HELQ: variants seen among roughly 807,000 people sequenced by gnomAD.
HELQ encodes the protein helicase, POLQ like, also known as helicase POLQ-like.
A neutral mutation model predicts 111.6 loss-of-function variants in HELQ; 77 were observed. The observed-to-expected ratio is 0.69, with a 90% CI of 0.57 to 0.83. The LOEUF is 0.83. Ranked by LOEUF, HELQ falls within the 40% of genes least tolerant of loss-of-function variation. HELQ has a pLI of 0.00. For missense variants in HELQ, 1,200 were observed against 1,288.5 expected (o/e 0.93, Z 1.05); for synonymous variants, 438 against 454.7 (o/e 0.96, Z 0.47).
intron 14 of HELQ, among the ~76,000 whole-genome samples, chr4:83,425,774 T>A (rs1719817538): frequency 6.6e-6 from 1 of 152,162 alleles, no homozygotes; most frequent in Non-Finnish European, 1.5e-5. Flanking sequence ...CAAAAAAAGG[T>A]CATCACACTA....
rs763618588 is a variant in HELQ, at chr4:83,418,160, G to C, written c.2996C>G (p.Thr999Ser). The part of the protein sequence containing the change: ...WVYRALLVEL[T>S]KKLTYCVKAE... ...CTTTACACAGTAAGTCAGCTTCTTG[G>C]TAAGTTCTACCAAAAGGGCTCTGTA... The change falls in exon 16 of 18, where the codon ACC becomes AGC. Residue 999 changes from threonine to serine, a missense_variant. Coordinates refer to ENST00000295488, the MANE Select transcript of HELQ (RefSeq NM_133636.5). The C allele has an allele frequency of 5.6e-6, 9 of 1,609,052 alleles. No individual in the cohort carries two copies. The East Asian group carries it at 1.6e-4, about 28-fold the overall frequency.
In HELQ at chr4:83,453,972, G is replaced by A. The variant is rs369025926; in HGVS notation, c.298-27C>T. 21 of 1,295,294 alleles carry A rather than the reference G, an allele frequency of 1.6e-5. No homozygotes were observed. In the African/African-American group the frequency reaches 2.2e-4, roughly 14 times the overall value. 80.2% of individuals were successfully genotyped at this position (1,295,294 alleles called of 1,614,324 possible). On this transcript the variant is annotated intron_variant, in intron 1 of 17. Coordinates refer to ENST00000295488, the MANE Select transcript of HELQ (RefSeq NM_133636.5). ...TGCAAAGAGAACAAAAACGCTTATGGTCAATTCCAGTTTCATTAAGAATAA... is the reference window on the plus strand; with the variant it reads ...TGCAAAGAGAACAAAAACGCTTATGATCAATTCCAGTTTCATTAAGAATAA...
At chr4:83,425,757 T>G (rs766960050) in intron 14 of HELQ, among the ~76,000 whole-genome samples, 3 of 152,170 alleles carry the variant, frequency 2.0e-5, no homozygotes, top group Non-Finnish European at 2.9e-5. Context: ...AAACATTTCA[T>G]GCTACCCAAA....
chr4:83,428,380 G>A (rs771124622), intron 12 of HELQ, among the ~76,000 whole-genome samples: 4 of 151,518 alleles, frequency 2.6e-5, no homozygotes, highest in Admixed American at 6.6e-5. Flanking sequence ...GGGCACCATC[G>A]TGAAACCCCA....
At chr4:83,416,940 A>G in intron 16 of HELQ, 75 bp from the exon 17 acceptor site, 1 of 1,365,604 alleles carries the variant, frequency 7.3e-7, no homozygotes, top group Non-Finnish European at 1.0e-6. Context: ...TTTACTGAAA[A>G]GAACAAAAAC....
intron 9 of HELQ, among the ~76,000 whole-genome samples, chr4:83,435,077 T>C (rs1280689589): frequency 6.6e-6 from 1 of 152,194 alleles, no homozygotes; most frequent in East Asian, 1.9e-4. Flanking sequence ...TTAAAACTCA[T>C]TTGTTGGAAA....
chr4:83,439,744 C>T (rs1720670824), intron 8 of HELQ, 119 bp downstream of exon 8: 1 of 694,986 alleles, frequency 1.4e-6, no homozygotes, highest in Middle Eastern at 4.2e-4. Context: ...CTTCAGTATA[C>T]TAAAACAACT....
At chr4:83,409,550 T>C (rs149250506) in intron 17 of HELQ, among the ~76,000 whole-genome samples, 4,675 of 145,934 alleles carry the variant, frequency 0.032, 249 homozygotes, top group African/African-American at 0.11. Context: ...CGATACTCTG[T>C]CTCAAAAAAA....
At chr4:83,417,164 T>C (rs1739405942) in intron 16 of HELQ, among the ~76,000 whole-genome samples, 1 of 151,994 alleles carries the variant, frequency 6.6e-6, no homozygotes, top group Non-Finnish European at 1.5e-5. Context: ...TAAAATGTTC[T>C]AGTCCAGTAT....
At chr4:83,413,979 C>T (rs894118561) in intron 17 of HELQ, among the ~76,000 whole-genome samples, 2 of 152,168 alleles carry the variant, frequency 1.3e-5, no homozygotes, top group African/African-American at 4.8e-5. Context: ...TGCACCCCTC[C>T]AGAATTCCTA....
intron 5 of HELQ, 112 bp from the exon 6 acceptor site, chr4:83,443,726 G>A (rs1720897166): frequency 1.9e-6 from 1 of 535,740 alleles, no homozygotes; most frequent in East Asian, 3.0e-5. Context: ...GAGTGATTTG[G>A]GAAAGGGGTG....
At chr4:83,436,750 C>T in intron 9 of HELQ, 108 bp downstream of exon 9, 1 of 1,173,492 alleles carries the variant, frequency 8.5e-7, no homozygotes. Context: ...GCTAAAAGAA[C>T]ATTTGATAAA....
At chr4:83,431,637 A>G (rs1351393171) in intron 11 of HELQ, 27 bp downstream of exon 11, 3 of 1,234,646 alleles carry the variant, frequency 2.4e-6, no homozygotes, top group Admixed American at 3.9e-5. Flanking sequence ...GATAACAGTA[A>G]TAAGATAAAA....
Position 83,453,709 on chromosome 4 carries a change from A to C in HELQ, c.534T>G (p.Ser178Arg), listed in dbSNP as rs1242086951. The change falls in exon 2 of 18, where the codon AGT becomes AGG. Residue 178 changes from serine (S) to arginine (R), a missense_variant. Physicochemically the swap from Ser to Arg is moderately radical, Grantham distance 110. Transcript: ENST00000295488. ...GTTCAATAGTGACACCTTCATATCC[A>C]CTCTGGTTCTCTGTGTGCTTATCAG... ...LQTDKHTENQ[S>R]GYEGVTIEPG... 1 of 1,613,408 alleles carries C rather than the reference A, an allele frequency of 6.2e-7. No individual in the cohort carries two copies. Among genetic ancestry groups the C allele is most frequent in the Non-Finnish European group, 8.5e-7 (1 of 1,179,734 alleles).
chr4:83,417,754 A>G (rs1739441333), intron 16 of HELQ, among the ~76,000 whole-genome samples: 1 of 152,178 alleles, frequency 6.6e-6, no homozygotes, highest in East Asian at 1.9e-4. Context: ...ACAAGCACTG[A>G]GTCCAAACTG....
At chr4:83,417,035 G>C (rs1333696452) in intron 16 of HELQ, among the ~76,000 whole-genome samples, 170 bp from the exon 17 acceptor site, 1 of 152,050 alleles carries the variant, frequency 6.6e-6, no homozygotes, top group Non-Finnish European at 1.5e-5. Flanking sequence ...AATGCATTTG[G>C]GTGGTTCCAA....
chr4:83,416,966 G>A (rs1374065682), intron 16 of HELQ, 101 bp from the exon 17 acceptor site: 9 of 994,130 alleles, frequency 9.1e-6, no homozygotes, highest in Non-Finnish European at 1.3e-5. Context: ...GTAAGAGACT[G>A]GGATAAAATA....
intron 17 of HELQ, among the ~76,000 whole-genome samples, chr4:83,412,869 A>G (rs1460753436): frequency 6.6e-6 from 1 of 152,116 alleles, no homozygotes; most frequent in Non-Finnish European, 1.5e-5. Context: ...CCTGCCCCAT[A>G]CTCTGAAGAA....
chr4:83,440,325 C>T (rs1465066047), intron 7 of HELQ, among the ~76,000 whole-genome samples: 1 of 152,062 alleles, frequency 6.6e-6, no homozygotes, highest in Non-Finnish European at 1.5e-5. Context: ...ATGCCCATCT[C>T]CACCACAGCA....
Sources: gnomAD v4.1 joint callset for allele counts (sites outside exome capture counted in the v4.1 genomes callset) on GRCh38, gnomAD v4.1.1 for gene constraint, MANE v1.5 for transcripts, NCBI Gene and HGNC (gene_info 2026-07-23, HGNC 2026-07-21) for gene names.